The following LRRC28 variants were observed in gnomAD, a reference collection of about 807,000 sequenced individuals.
LRRC28 encodes the protein leucine rich repeat containing 28.
Under a neutral mutation model 45.7 loss-of-function variants are expected in LRRC28, and 39 were observed. That is an observed-to-expected ratio of 0.85 (90% CI 0.66 to 1.12). The LOEUF is 1.12. Among genes scored for constraint, LRRC28 ranks in the 50% most tolerant of loss-of-function variants. The pLI, the probability that LRRC28 is intolerant of heterozygous loss-of-function variation, is 0.00. For missense variants in LRRC28, 435 were observed against 438.5 expected (o/e 0.99, Z 0.07); for synonymous variants, 206 against 178.8 (o/e 1.15, Z -1.22).
chr15:99,383,494 A>C (rs1268920104), intron 9 of LRRC28, among the ~76,000 whole-genome samples: 1 of 152,176 alleles, frequency 6.6e-6, no homozygotes, highest in Non-Finnish European at 1.5e-5. Flanking sequence ...AGTTCCACCT[A>C]AATATATTTT....
chr15:99,328,072 A>C (rs549086395), intron 5 of LRRC28, among the ~76,000 whole-genome samples: 3 of 152,232 alleles, frequency 2.0e-5, no homozygotes, highest in Admixed American at 2.0e-4. Flanking sequence ...GTCAGAGAAC[A>C]TACTTTGTAT....
chr15:99,370,401 C>CGT (rs1407389111), intron 9 of LRRC28, among the ~76,000 whole-genome samples: 2 of 151,720 alleles, frequency 1.3e-5, no homozygotes, highest in Non-Finnish European at 2.9e-5. Flanking sequence ...CACATGCACA[C>CGT]GTGTGTGTGT....
chr15:99,343,657 T>C (rs1956589661), intron 6 of LRRC28, among the ~76,000 whole-genome samples: 1 of 152,214 alleles, frequency 6.6e-6, no homozygotes, highest in Non-Finnish European at 1.5e-5. Context: ...ACTGAGCAAT[T>C]TTGCACAGGA....
rs1452145639 is a variant in LRRC28 at position 99,257,956 on chromosome 15, A to C, written c.168+1831A>C. On this transcript the variant is annotated intron_variant, in intron 2 of 9. Transcript: ENST00000301981. ...CTTAGAGAACTGATTCTGACGCTTTAGTTAAGATAAGGCTGATATCACTGA... is the reference window on the plus strand; with the variant it reads ...CTTAGAGAACTGATTCTGACGCTTTCGTTAAGATAAGGCTGATATCACTGA... 5.1e-6 allele frequency: 4 copies of C among 785,694 alleles called. No homozygotes were observed. In the East Asian group the frequency reaches 9.7e-5, roughly 19 times the overall value. The allele number at this position is 785,694 out of a possible 1,614,324, so 48.7% of individuals were successfully genotyped here. A position where few individuals can be genotyped will look rare whatever the true frequency, so the allele number is the denominator to read the frequency against.
At chr15:99,350,657 C>T (rs756411654) in intron 6 of LRRC28, among the ~76,000 whole-genome samples, 4 of 152,168 alleles carry the variant, frequency 2.6e-5, no homozygotes, top group Non-Finnish European at 2.9e-5. Context: ...ATCTAAAAAC[C>T]TCCTGATTCA....
chr15:99,285,837 G>C (rs1185681251), intron 3 of LRRC28: 1 of 395,732 alleles, frequency 2.5e-6, no homozygotes, highest in African/African-American at 2.1e-5. Context: ...TTTTGATTTA[G>C]GTATTCCTTC....
chr15:99,260,105 C>A, intron 2 of LRRC28: 1 of 457,168 alleles, frequency 2.2e-6, no homozygotes, highest in Admixed American at 3.3e-5. Flanking sequence ...GTTTTGGATG[C>A]CCCCCACCAG....
At chr15:99,285,577 G>T in intron 3 of LRRC28, 2 of 759,946 alleles carry the variant, frequency 2.6e-6, no homozygotes, top group Admixed American at 4.5e-5. Context: ...ACTTAGACTT[G>T]ACGGCAGGGG....
chr15:99,251,891 C>T (rs943137318), intron 1 of LRRC28: 2 of 152,238 alleles, frequency 1.3e-5, no homozygotes, highest in Non-Finnish European at 2.9e-5. Flanking sequence ...AGAAAATAGC[C>T]TTTTACAAAT....
chr15:99,304,179 A>G (rs1955092780), intron 5 of LRRC28, among the ~76,000 whole-genome samples: 1 of 152,228 alleles, frequency 6.6e-6, no homozygotes, highest in Admixed American at 6.5e-5. Flanking sequence ...CTGCAGTGGC[A>G]GAGTTGAGTA....
intron 9 of LRRC28, among the ~76,000 whole-genome samples, chr15:99,364,940 C>A (rs1417622808): frequency 1.3e-5 from 2 of 152,100 alleles, no homozygotes. Flanking sequence ...TTAACTAATT[C>A]ATTAAACTAC....
chr15:99,385,455 C>T (rs565589868), intron 9 of LRRC28, among the ~76,000 whole-genome samples: 18 of 152,214 alleles, frequency 1.2e-4, no homozygotes, highest in African/African-American at 3.6e-4. Context: ...TCAGAGGCCC[C>T]CTGGGGCTCA....
At chr15:99,373,068 A>G (rs2152334808) in intron 9 of LRRC28, among the ~76,000 whole-genome samples, 1 of 152,204 alleles carries the variant, frequency 6.6e-6, no homozygotes, top group South Asian at 2.1e-4. Flanking sequence ...CCCACGACAC[A>G]TGGGGATTAT....
chr15:99,253,997 A>G (rs991246953), intron 1 of LRRC28, among the ~76,000 whole-genome samples: 1 of 152,206 alleles, frequency 6.6e-6, no homozygotes, highest in African/African-American at 2.4e-5. Context: ...AACTGTGGAG[A>G]TTCGGATTGA....
rs539279570 is a variant in LRRC28, at chr15:99,366,281, G to A, written c.1031+3016G>A. ...TTGTAGATGACCATCTTCTCCCTTC[G>A]TCTCTTCACATCATTTTCTCTTTAT... On this transcript the variant is annotated intron_variant, in intron 9 of 9. Coordinates refer to ENST00000301981, the MANE Select transcript of LRRC28 (RefSeq NM_144598.5). Among the ~76,000 whole-genome samples the A allele has an allele frequency of 4.6e-5, 7 of 152,176 alleles. 1 individual carries two copies. Among genetic ancestry groups the A allele is most frequent in the African/African-American group, 7.2e-5 (3 of 41,526 alleles).
At chr15:99,351,868 G>T (rs1024897355) in intron 6 of LRRC28, among the ~76,000 whole-genome samples, 8 of 152,160 alleles carry the variant, frequency 5.3e-5, no homozygotes, top group African/African-American at 1.9e-4. Context: ...TGGGCAAGTA[G>T]GAATTTACAG....
At chr15:99,333,328 T>TATA (rs1161798006) in intron 5 of LRRC28, among the ~76,000 whole-genome samples, 1 of 152,226 alleles carries the variant, frequency 6.6e-6, no homozygotes, top group Non-Finnish European at 1.5e-5. Context: ...ATGTATACTT[T>TATA]GGGTTTTTTA....
intron 5 of LRRC28, among the ~76,000 whole-genome samples, chr15:99,299,608 C>G (rs11247077): frequency 2.6e-5 from 4 of 152,054 alleles, no homozygotes; most frequent in African/African-American, 9.7e-5. Context: ...TTCTGTTCTG[C>G]AAGTAATTTT....
At chr15:99,325,882 G>T (rs896986099) in intron 5 of LRRC28, among the ~76,000 whole-genome samples, 11 of 152,062 alleles carry the variant, frequency 7.2e-5, no homozygotes, top group African/African-American at 2.7e-4. Context: ...GGGAAGGACC[G>T]CCATCTGACG....
Sources: gnomAD v4.1 joint callset for allele counts (sites outside exome capture counted in the v4.1 genomes callset) on GRCh38, gnomAD v4.1.1 for gene constraint, MANE v1.5 for transcripts, NCBI Gene and HGNC (gene_info 2026-07-23, HGNC 2026-07-21) for gene names.